Variants in NAA15 observed in about 807,000 individuals in gnomAD.
NAA15 encodes N-alpha-acetyltransferase 15, NatA auxiliary subunit.
NAA15 carries 34 observed loss-of-function variants against 114.0 expected under a neutral mutation model. That is an observed-to-expected ratio of 0.30 (90% confidence interval 0.23 to 0.40). NAA15 has a LOEUF of 0.40. NAA15 is among the 10% of genes least tolerant of loss of function. The probability of loss-of-function intolerance (pLI) is 1.00; values close to 1 mark genes in which losing one functional copy is unlikely to be tolerated. For synonymous variants in NAA15, 340 were observed against 338.0 expected, an observed-to-expected ratio of 1.01 and a Z score of -0.06; for missense variants, 658 against 1,004.5, an observed-to-expected ratio of 0.66 and a Z score of 4.66.
intron 1 of NAA15, among the ~76,000 whole-genome samples, chr4:139,305,542 T>TC (rs1745983705): frequency 4.0e-5 from 6 of 151,448 alleles, no homozygotes; most frequent in Admixed American, 3.9e-4. Flanking sequence ...ACTTGTTGTT[T>TC]TTTTTTTTTT....
chr4:139,352,662 CTTTTTTTTTTT>C (rs746490411), intron 9 of NAA15, among the ~76,000 whole-genome samples: 1 of 103,290 alleles, frequency 9.7e-6, no homozygotes, highest in Non-Finnish European at 1.9e-5. Context: ...CATAAAATAT[CTTTTTTTTTTT>C]TTTTTTTTTT....
At chr4:139,331,009 C>T (rs1656057397) in intron 1 of NAA15, among the ~76,000 whole-genome samples, 1 of 147,050 alleles carries the variant, frequency 6.8e-6, no homozygotes, top group Non-Finnish European at 1.5e-5. Context: ...AATATATTGC[C>T]TCAAAAATTA....
At chr4:139,386,040 A>G (rs1457077254) in intron 18 of NAA15, 93 bp from the exon 19 acceptor site, 5 of 639,770 alleles carry the variant, frequency 7.8e-6, no homozygotes, top group African/African-American at 5.6e-5. Flanking sequence ...CACCCTCTGC[A>G]TATATATCTT....
rs1243699253 is a variant in NAA15, at chr4:139,388,008, G to A, written c.2525G>A (p.Gly842Glu). 6.2e-7 allele frequency: 1 copy of A among 1,613,930 alleles called. No individual in the cohort carries two copies. Among genetic ancestry groups the A allele is most frequent in the Admixed American group, 1.7e-5 (1 of 60,006 alleles). The change falls in exon 20 of 20, where the codon GGA becomes GAA. Residue 842 changes from glycine (G) to glutamate (E), a missense_variant. Gly to Glu is a moderately conservative substitution (Grantham distance 98). Around this residue, in one of 6 missense-constraint regions of NAA15, gnomAD observed 275 missense variants for 371.1 expected, o/e 0.74. Coordinates refer to ENST00000296543, the MANE Select transcript of NAA15 (RefSeq NM_057175.5). ...TATGCTTTGGCTTTCATGCCTCCTG[G>A]ATATGAAGAGGATATGAAGATCACA... ...FPYALAFMPP[G>E]YEEDMKITVN...
intron 10 of NAA15, among the ~76,000 whole-genome samples, chr4:139,356,983 G>A (rs984354058): frequency 8.7e-5 from 9 of 103,784 alleles, no homozygotes; most frequent in Non-Finnish European, 1.5e-4. Context: ...TAAGCAGCCA[G>A]GGCTTTTTTT....
chr4:139,347,874 T>C (rs1033978658), intron 6 of NAA15, among the ~76,000 whole-genome samples: 4 of 149,928 alleles, frequency 2.7e-5, no homozygotes, highest in African/African-American at 9.8e-5. Flanking sequence ...CTACTAAAAA[T>C]ACAAAAAATT....
intron 9 of NAA15, among the ~76,000 whole-genome samples, chr4:139,353,471 T>C (rs1291252941): frequency 6.6e-6 from 1 of 152,134 alleles, no homozygotes; most frequent in Non-Finnish European, 1.5e-5. Context: ...TAAAAAATGC[T>C]CAGAGATCTC....
At chr4:139,341,181 T>A in intron 4 of NAA15, 112 bp downstream of exon 4, 2 of 760,046 alleles carry the variant, frequency 2.6e-6, no homozygotes, top group Non-Finnish European at 3.8e-6. Context: ...TTTAATTGAA[T>A]TTTTTTTTCC....
intron 14 of NAA15, among the ~76,000 whole-genome samples, chr4:139,363,300 T>A (rs1462107786): frequency 6.6e-6 from 1 of 152,186 alleles, no homozygotes; most frequent in Non-Finnish European, 1.5e-5. Flanking sequence ...ACTTAGCAAA[T>A]ATGAAGATCC....
At chr4:139,372,463 A>G (rs565581036) in intron 15 of NAA15, among the ~76,000 whole-genome samples, 92 of 152,314 alleles carry the variant, frequency 6.0e-4, no homozygotes, top group Admixed American at 2.4e-3. Flanking sequence ...TGTTTGGAAG[A>G]AGCTTAGTGC....
At chr4:139,346,977 T>G (rs1484796850) in intron 6 of NAA15, among the ~76,000 whole-genome samples, 1 of 152,162 alleles carries the variant, frequency 6.6e-6, no homozygotes, top group African/African-American at 2.4e-5. Flanking sequence ...GGTCTTGCTG[T>G]GTTGCCTAGT....
intron 7 of NAA15, among the ~76,000 whole-genome samples, chr4:139,350,486 C>T (rs1036461568): frequency 3.3e-5 from 5 of 152,134 alleles, no homozygotes; most frequent in African/African-American, 1.2e-4. Flanking sequence ...CCCAGTCATC[C>T]TCTCCCATAA....
intron 19 of NAA15, 113 bp downstream of exon 19, chr4:139,386,343 G>C: frequency 5.7e-6 from 3 of 523,192 alleles, no homozygotes; most frequent in Non-Finnish European, 1.0e-5. Flanking sequence ...ATCTGGGTCA[G>C]AAACAACTTA....
rs73856016 is a variant in NAA15 at position 139,324,582 on chromosome 4, T to C, written c.55-9592T>C. ...TAAAACATATGTTGAAAGTATACCA[T>C]ATGTAGTATTTTGCATTTCACTTTC... On this transcript the variant is annotated intron_variant, in intron 1 of 19. Transcript: ENST00000296543. Among the ~76,000 whole-genome samples, 593 of 152,300 alleles carry C rather than the reference T, an allele frequency of 3.9e-3. 4 individuals are homozygous for C. The highest frequency in any genetic ancestry group is 0.013 in the African/African-American group (548 of 41,568).
At chr4:139,378,065 GAGCATT>G (rs1234575771) in intron 16 of NAA15, among the ~76,000 whole-genome samples, 2 of 152,212 alleles carry the variant, frequency 1.3e-5, no homozygotes, top group Admixed American at 6.5e-5. Context: ...ACAAGGGAAA[GAGCATT>G]AGGAGAAGAG....
chr4:139,302,200 C>G, intron 1 of NAA15: 1 of 235,034 alleles, frequency 4.3e-6, no homozygotes, highest in African/African-American at 2.2e-5. Context: ...GGGAACCCTG[C>G]TGGCAGGTCG....
intron 3 of NAA15, among the ~76,000 whole-genome samples, chr4:139,339,655 G>A (rs1375923846): frequency 6.6e-6 from 1 of 152,128 alleles, no homozygotes; most frequent in East Asian, 1.9e-4. Context: ...GGAGGCTGAG[G>A]CAGGAGAGTT....
chr4:139,384,787 T>C, intron 17 of NAA15, 45 bp from the exon 18 acceptor site: 2 of 1,253,958 alleles, frequency 1.6e-6, no homozygotes, highest in Non-Finnish European at 2.1e-6. Context: ...TTGTAAACTT[T>C]ATCAGAGTAT....
chr4:139,332,009 C>T (rs184107848), intron 1 of NAA15, among the ~76,000 whole-genome samples: 16 of 152,240 alleles, frequency 1.1e-4, no homozygotes, highest in Non-Finnish European at 1.9e-4. Flanking sequence ...TTAGCAAGCA[C>T]ACTAGTTCGA....
Sources: gnomAD v4.1 joint callset for allele counts (sites outside exome capture counted in the v4.1 genomes callset) on GRCh38, gnomAD v4.1.1 for gene constraint, gnomAD v4.1.1 regional missense constraint, MANE v1.5 for transcripts, NCBI Gene and HGNC (gene_info 2026-07-23, HGNC 2026-07-21) for gene names.